Variants in TGM3 observed in about 807,000 individuals in gnomAD.
TGM3 encodes the protein transglutaminase 3.
TGM3 carries 52 observed loss-of-function variants against 73.8 expected under a neutral mutation model. The ratio of observed to expected loss-of-function variants is 0.70; its 90% CI spans 0.56 to 0.89. The LOEUF (loss-of-function observed/expected upper bound fraction) is 0.89, where lower values mean the gene tolerates loss of function less well. TGM3 is among the 40% of genes least tolerant of loss of function. The pLI, the probability that TGM3 is intolerant of heterozygous loss-of-function variation, is 0.00. For missense variants in TGM3, 928 were observed against 909.9 expected (o/e 1.02, Z -0.26); for synonymous variants, 372 against 354.9 (o/e 1.05, Z -0.54).
chr20:2,317,820 T>C (rs995099177), intron 7 of TGM3, among the ~76,000 whole-genome samples: 3 of 151,852 alleles, frequency 2.0e-5, no homozygotes, highest in African/African-American at 7.3e-5. Context: ...TTGAAACTAT[T>C]GCTTTTCCAG....
intron 3 of TGM3, 118 bp from the exon 4 acceptor site, chr20:2,310,893 C>T (rs984676204): frequency 9.6e-6 from 8 of 835,686 alleles, no homozygotes; most frequent in Non-Finnish European, 1.4e-5. Context: ...CAGGGGAGGG[C>T]TAAAGGTGGG....
In TGM3 at chr20:2,325,905, A is replaced by G; in HGVS notation, c.1040A>G (p.Tyr347Cys). The G allele has an allele frequency of 6.3e-7, 1 of 1,593,576 alleles. No individual in the cohort carries two copies. The highest frequency in any genetic ancestry group is 1.1e-5 in the South Asian group (1 of 87,870). Residue 347 changes from tyrosine (Y) to cysteine (C), a missense_variant, in exon 8 of 13, where the codon TAC becomes TGC. Physicochemically the swap from Tyr to Cys is radical, Grantham distance 194. Coordinates refer to ENST00000381458, the MANE Select transcript of TGM3 (RefSeq NM_003245.4). ...GTGAGGTCTGACCTGGGCCCCTCGT[A>G]CGGTGGATGGCAGGTGTTGGATGCT... Reference protein sequence around the residue: ...WFVRSDLGPSYGGWQVLDATP... With the variant: ...WFVRSDLGPSCGGWQVLDATP...
At chr20:2,319,734 G>T (rs1353084591) in intron 7 of TGM3, among the ~76,000 whole-genome samples, 1 of 152,100 alleles carries the variant, frequency 6.6e-6, no homozygotes, top group Non-Finnish European at 1.5e-5. Flanking sequence ...TTCTCAGAAA[G>T]CCAAGGGAGC....
chr20:2,297,487 G>A (rs1033256567), intron 1 of TGM3, among the ~76,000 whole-genome samples: 4 of 152,112 alleles, frequency 2.6e-5, no homozygotes, highest in Non-Finnish European at 4.4e-5. Context: ...GGACAGGCAC[G>A]TGCCCAGCCC....
At chr20:2,330,398 C>A (rs140901605) in intron 9 of TGM3, among the ~76,000 whole-genome samples, 1 of 152,346 alleles carries the variant, frequency 6.6e-6, no homozygotes, top group Non-Finnish European at 1.5e-5. Flanking sequence ...GAACTTACAG[C>A]TGGACTAGAG....
chr20:2,339,506 C>T (rs1235662115), intron 11 of TGM3, among the ~76,000 whole-genome samples: 1 of 152,148 alleles, frequency 6.6e-6, no homozygotes, highest in Non-Finnish European at 1.5e-5. Flanking sequence ...AATGTCCTGA[C>T]CCTCACAGAG....
intron 11 of TGM3, 117 bp downstream of exon 11, chr20:2,335,390 T>C: frequency 7.6e-7 from 1 of 1,320,106 alleles, no homozygotes; most frequent in South Asian, 1.4e-5. Flanking sequence ...GAGTTTTTTC[T>C]TGCTGGGAGG....
Position 2,325,851 on chromosome 20 carries a change from A to G in TGM3, c.986A>G (p.Asn329Ser). 1 of 1,558,182 alleles carries G rather than the reference A, an allele frequency of 6.4e-7. No homozygotes were observed. Among genetic ancestry groups the G allele is most frequent in the Non-Finnish European group, 8.7e-7 (1 of 1,149,604 alleles). The change falls in exon 8 of 13, where the codon AAT becomes AGT. Residue 329 changes from asparagine to serine, a missense_variant and splice_region_variant. By Grantham distance (46) the Asn-to-Ser change is conservative. Coordinates refer to ENST00000381458, the MANE Select transcript of TGM3 (RefSeq NM_003245.4). ...GCAGTCTCTGGTTCTATCTGCAGGAATTTCCATGTCTGGAATGAAGGCTGG... is the reference window on the plus strand; with the variant it reads ...GCAGTCTCTGGTTCTATCTGCAGGAGTTTCCATGTCTGGAATGAAGGCTGG... ...PLDKGSDSVW[N>S]FHVWNEGWFV...
rs2084337889 is a variant in TGM3 at position 2,334,561 on chromosome 20, C to T, written c.1643-555C>T. ...AGCGTTTGTTTAGCCAATACCCTGGCTTCCCTTCCTACCTATTATTGTGTT... is the reference window on the plus strand; with the variant it reads ...AGCGTTTGTTTAGCCAATACCCTGGTTTCCCTTCCTACCTATTATTGTGTT... On this transcript the variant is annotated intron_variant, in intron 10 of 12. Coordinates refer to ENST00000381458, the MANE Select transcript of TGM3 (RefSeq NM_003245.4). This position sits in a 1 kb window ranked among gnomAD's most constrained non-coding sequence, Gnocchi z 4.0. Among the ~76,000 whole-genome samples the T allele has an allele frequency of 6.6e-6, 1 of 152,160 alleles. No homozygotes were observed. The highest frequency in any genetic ancestry group is 2.1e-4 in the South Asian group (1 of 4,832).
chr20:2,328,134 G>T lies in TGM3; in HGVS notation c.1102G>T (p.Gly368Cys). ...QERSQGVFQC[G>C]PASVIGVREG... ...TTGGCCTCCAGGGGTGTTCCAGTGCGGCCCCGCTTCGGTCATTGGTGTTCG... is the reference window on the plus strand; with the variant it reads ...TTGGCCTCCAGGGGTGTTCCAGTGCTGCCCCGCTTCGGTCATTGGTGTTCG... Residue 368 changes from glycine to cysteine, a missense_variant, in exon 9 of 13, where the codon GGC becomes TGC. Physicochemically the swap from Gly to Cys is radical, Grantham distance 159 (BLOSUM62 -3). Transcript: ENST00000381458. The surrounding 1 kb of genome is among the most constrained non-coding windows in gnomAD (Gnocchi z 5.2). The T allele has an allele frequency of 6.2e-7, 1 of 1,614,142 alleles. No homozygotes were observed. Among genetic ancestry groups the T allele is most frequent in the South Asian group, 1.1e-5 (1 of 91,080 alleles).
chr20:2,326,765 G>A (rs546053805), intron 8 of TGM3, among the ~76,000 whole-genome samples: 21 of 151,934 alleles, frequency 1.4e-4, no homozygotes, highest in African/African-American at 5.1e-4. Flanking sequence ...GAGAATCGCT[G>A]GAACTCAGGA....
In TGM3 at chr20:2,312,939, T is replaced by C; in HGVS notation, c.582T>C (p.Asp194=). Residue 194 remains aspartate, a synonymous_variant, in exon 5 of 13, where the codon GAT becomes GAC. Transcript: ENST00000381458. ...DILSICLSIL[D]RSLNFRRDAA... is the part of the protein sequence containing the mutation. ...TCAGCATCTGCCTCTCAATCTTGGA[T>C]AGGAGTCTGAATTTCCGCCGTGACG... is the stretch of plus-strand genomic sequence containing the variant. 6.2e-7 allele frequency: 1 copy of C among 1,614,186 alleles called. No individual in the cohort carries two copies. The highest frequency in any genetic ancestry group is 8.5e-7 in the Non-Finnish European group (1 of 1,180,034).
chr20:2,336,807 G>A (rs1011178526), intron 11 of TGM3, among the ~76,000 whole-genome samples: 1 of 151,910 alleles, frequency 6.6e-6, no homozygotes, highest in East Asian at 1.9e-4. Flanking sequence ...CCATTGATCA[G>A]TGGTGACACT....
In TGM3 at chr20:2,314,734, G is replaced by A. The variant is rs965056013; in HGVS notation, c.669+1708G>A. Among the ~76,000 whole-genome samples, 7 of 152,150 alleles carry A rather than the reference G, an allele frequency of 4.6e-5. No homozygotes were observed. In the East Asian group the frequency reaches 1.2e-3, roughly 25 times the overall value. ...AAAGCCTATCTCCAAAAAAAAAGGCGAAAAGTCAAAGTGAATTCTTTACTT... is the reference window on the plus strand; with the variant it reads ...AAAGCCTATCTCCAAAAAAAAAGGCAAAAAGTCAAAGTGAATTCTTTACTT... On this transcript the variant is annotated intron_variant, in intron 5 of 12. Coordinates refer to ENST00000381458, the MANE Select transcript of TGM3 (RefSeq NM_003245.4).
At chr20:2,309,405 G>A (rs929587782) in intron 1 of TGM3, among the ~76,000 whole-genome samples, 1 of 152,202 alleles carries the variant, frequency 6.6e-6, no homozygotes, top group Non-Finnish European at 1.5e-5. Flanking sequence ...GTCTGAAAGG[G>A]CAGAGCATTT....
At chr20:2,303,855 A>T (rs1001713054) in intron 1 of TGM3, among the ~76,000 whole-genome samples, 1 of 152,216 alleles carries the variant, frequency 6.6e-6, no homozygotes, top group Non-Finnish European at 1.5e-5. Flanking sequence ...TAACTCAGGG[A>T]GGTGGCACGG....
In TGM3 at chr20:2,315,092, A is replaced by C. The variant is rs569637984; in HGVS notation, c.670-1976A>C. 7.2e-5 allele frequency among the ~76,000 whole-genome samples: 11 copies of C among 152,270 alleles called. No homozygotes were observed. In the East Asian group the frequency reaches 2.1e-3, roughly 30 times the overall value. ...ATCTTGAAACCAAATGGCCTGGAAG[A>C]GGTGGGATTAAAGCCCTGGTGACTT... On this transcript the variant is annotated intron_variant, in intron 5 of 12. Coordinates refer to ENST00000381458, the MANE Select transcript of TGM3 (RefSeq NM_003245.4).
intron 7 of TGM3, among the ~76,000 whole-genome samples, chr20:2,323,534 C>G (rs2084272159): frequency 6.6e-6 from 1 of 152,238 alleles, no homozygotes; most frequent in African/African-American, 2.4e-5. Flanking sequence ...CATGTATGTG[C>G]ACTTACGTGA....
chr20:2,339,579 A>C (rs1009277410), intron 11 of TGM3, among the ~76,000 whole-genome samples: 10 of 152,112 alleles, frequency 6.6e-5, no homozygotes, highest in African/African-American at 2.4e-5. Context: ...GCAGGGAAGT[A>C]ACAGTGTTGT....
Sources: gnomAD v4.1 joint callset for allele counts (sites outside exome capture counted in the v4.1 genomes callset) on GRCh38, gnomAD v4.1.1 for gene constraint, Gnocchi (gnomAD v3.1) non-coding constraint, MANE v1.5 for transcripts, NCBI Gene and HGNC (gene_info 2026-07-23, HGNC 2026-07-21) for gene names.